The following CD80 variants were observed in gnomAD, a reference collection of about 807,000 sequenced individuals.
The protein encoded by CD80 is T-lymphocyte activation antigen CD80.
CD80 carries 13 observed loss-of-function variants against 27.1 expected under a neutral mutation model. The ratio of observed to expected loss-of-function variants is 0.48; its 90% CI spans 0.31 to 0.76. The LOEUF (loss-of-function observed/expected upper bound fraction) is 0.76. Ranked by LOEUF, CD80 falls within the 30% of genes least tolerant of loss-of-function variation. The pLI, the probability that CD80 is intolerant of heterozygous loss-of-function variation, is 0.04. For missense variants in CD80, 277 were observed against 347.9 expected, an observed-to-expected ratio of 0.80 and a Z score of 1.62; for synonymous variants, 125 against 125.5, an observed-to-expected ratio of 1.00 and a Z score of 0.03.
chr3:119,539,533 C>G (rs949408291), intron 3 of CD80, among the ~76,000 whole-genome samples: 1 of 152,184 alleles, frequency 6.6e-6, no homozygotes, highest in Admixed American at 6.5e-5. Context: ...TTTGATATGC[C>G]TTAAAGGGAC....
At chr3:119,531,920 T>G (rs1190253507) in intron 4 of CD80, among the ~76,000 whole-genome samples, 1 of 152,120 alleles carries the variant, frequency 6.6e-6, no homozygotes, top group African/African-American at 2.4e-5. Context: ...TGTCTTGGCC[T>G]CCCACAGTGC....
At chr3:119,526,451 A>G (rs1410007184) in intron 6 of CD80, among the ~76,000 whole-genome samples, 1 of 152,238 alleles carries the variant, frequency 6.6e-6, no homozygotes, top group Non-Finnish European at 1.5e-5. Flanking sequence ...CTGAGGAGTG[A>G]GCAAGCATTC....
At chr3:119,549,045 T>C (rs995574959) in intron 2 of CD80, among the ~76,000 whole-genome samples, 2 of 151,806 alleles carry the variant, frequency 1.3e-5, no homozygotes, top group Admixed American at 1.3e-4. Context: ...TCAAAATAAA[T>C]AAATAAATAA....
chr3:119,528,010 C>T (rs1450484194), intron 5 of CD80, among the ~76,000 whole-genome samples, 169 bp from the exon 6 acceptor site: 2 of 152,128 alleles, frequency 1.3e-5, no homozygotes, highest in Non-Finnish European at 2.9e-5. Context: ...GCCAAGGGGA[C>T]ATTTGGCAAT....
chr3:119,549,730 A>G (rs2082221336), intron 2 of CD80, among the ~76,000 whole-genome samples: 1 of 152,270 alleles, frequency 6.6e-6, no homozygotes, highest in South Asian at 2.1e-4. Flanking sequence ...AGAAAGGTCC[A>G]GGCACCTCTT....
rs138579119 is a variant in CD80 at position 119,548,249 on chromosome 3, T to G, written c.101-3382A>C. The stretch of plus-strand genomic sequence containing the variant: ...CTCCCACCTCAGCCTCCCAAAATGC[T>G]GGGATTACAAGTGTGAGCCACCACG... On this transcript the variant is annotated intron_variant, in intron 2 of 6. Coordinates refer to ENST00000264246, the MANE Select transcript of CD80 (RefSeq NM_005191.4). 4.3e-3 allele frequency among the ~76,000 whole-genome samples: 652 copies of G among 152,300 alleles called. 5 individuals are homozygous for G. The highest frequency in any genetic ancestry group is 0.015 in the African/African-American group (638 of 41,570).
At chr3:119,549,174 G>A (rs1253888162) in intron 2 of CD80, among the ~76,000 whole-genome samples, 1 of 152,108 alleles carries the variant, frequency 6.6e-6, no homozygotes. Flanking sequence ...TACCCTAAAT[G>A]GATCCTATAT....
chr3:119,525,869 T>C (rs1346429805), intron 6 of CD80, 120 bp from the exon 7 acceptor site: 1 of 141,708 alleles, frequency 7.1e-6, no homozygotes, highest in Non-Finnish European at 1.5e-5. Flanking sequence ...TGTATATATG[T>C]ATATATAATT....
chr3:119,537,453 G>A (rs2107742205), intron 3 of CD80, 35 bp from the exon 4 acceptor site: 1 of 1,400,698 alleles, frequency 7.1e-7, no homozygotes, highest in Non-Finnish European at 1.0e-6. Context: ...ATTACGTATA[G>A]TTACAAACCT....
chr3:119,546,647 G>A (rs1202278927), intron 2 of CD80, among the ~76,000 whole-genome samples: 1 of 152,070 alleles, frequency 6.6e-6, no homozygotes, highest in African/African-American at 2.4e-5. Context: ...CTTACAGAAG[G>A]CCTCCTTCTT....
chr3:119,554,698 A>G (rs1162634919), intron 2 of CD80, among the ~76,000 whole-genome samples: 2 of 152,138 alleles, frequency 1.3e-5, no homozygotes, highest in East Asian at 3.8e-4. Flanking sequence ...CCCTGAATAA[A>G]GCCCTCTATA....
At chr3:119,555,707 T>A in intron 2 of CD80, among the ~76,000 whole-genome samples, 1 of 152,238 alleles carries the variant, frequency 6.6e-6, no homozygotes, top group Non-Finnish European at 1.5e-5. Flanking sequence ...TTTAACACAT[T>A]CATTTGAGTG....
At chr3:119,551,425 A>AT (rs58357662) in intron 2 of CD80, among the ~76,000 whole-genome samples, 7,017 of 152,130 alleles carry the variant, frequency 0.046, 528 homozygotes, top group African/African-American at 0.16. Flanking sequence ...GATTAATGCC[A>AT]TTTTTTTGGG....
chr3:119,553,745 A>G (rs1386892506), intron 2 of CD80, among the ~76,000 whole-genome samples: 1 of 152,268 alleles, frequency 6.6e-6, no homozygotes, highest in Non-Finnish European at 1.5e-5. Context: ...CTCCCTGGAA[A>G]CACAAGTGTG....
intron 2 of CD80, among the ~76,000 whole-genome samples, chr3:119,552,027 C>T (rs184607982): frequency 2.0e-5 from 3 of 152,326 alleles, no homozygotes; most frequent in Non-Finnish European, 4.4e-5. Flanking sequence ...TGGAAACTGC[C>T]CACCTGTAGG....
At chr3:119,545,749 C>A (rs889720609) in intron 2 of CD80, among the ~76,000 whole-genome samples, 3 of 151,212 alleles carry the variant, frequency 2.0e-5, no homozygotes, top group Non-Finnish European at 2.9e-5. Flanking sequence ...CCCCCCCCCA[C>A]ATTTTGTTTG....
At chr3:119,535,971 G>T (rs188220699) in intron 4 of CD80, among the ~76,000 whole-genome samples, 1 of 152,202 alleles carries the variant, frequency 6.6e-6, no homozygotes, top group African/African-American at 2.4e-5. Flanking sequence ...AGAAAATAAG[G>T]CCGGGTGCAG....
At chr3:119,532,917 A>G (rs917295155) in intron 4 of CD80, among the ~76,000 whole-genome samples, 1 of 152,224 alleles carries the variant, frequency 6.6e-6, no homozygotes, top group Admixed American at 6.5e-5. Flanking sequence ...ATCATAGTGT[A>G]CCTACCACTT....
chr3:119,537,024 C>A, intron 4 of CD80, 113 bp downstream of exon 4: 3 of 953,484 alleles, frequency 3.1e-6, no homozygotes, highest in Non-Finnish European at 4.9e-6. Flanking sequence ...CAGACAATGA[C>A]AGAATTGCCT....
Sources: gnomAD v4.1 joint callset for allele counts (sites outside exome capture counted in the v4.1 genomes callset) on GRCh38, gnomAD v4.1.1 for gene constraint, MANE v1.5 for transcripts, NCBI Gene and HGNC (gene_info 2026-07-23, HGNC 2026-07-21) for gene names.